The following XKR9 variants were observed in gnomAD, a reference collection of about 807,000 sequenced individuals.
XKR9 encodes the protein XK-related protein 9.
XKR9 carries 32 observed loss-of-function variants against 32.0 expected under a neutral mutation model. That is an observed-to-expected ratio of 1.00 (90% CI 0.76 to 1.34). The LOEUF (loss-of-function observed/expected upper bound fraction) is 1.34. Ranked by LOEUF, XKR9 falls within the 40% of genes most tolerant of loss-of-function variation. The probability of loss-of-function intolerance (pLI) is 0.00; values close to 1 mark genes in which losing one functional copy is unlikely to be tolerated. For synonymous variants in XKR9, 168 were observed against 143.4 expected, an observed-to-expected ratio of 1.17 and a Z score of -1.22; for missense variants, 546 against 429.7, an observed-to-expected ratio of 1.27 and a Z score of -2.39.
At chr8:70,761,688 CT>C (rs1455054003) in intron 2 of XKR9, among the ~76,000 whole-genome samples, 29 of 151,786 alleles carry the variant, frequency 1.9e-4, no homozygotes, top group Admixed American at 2.6e-4. Context: ...TGCAGAAGCT[CT>C]TTAGTTTAAT....
At chr8:70,713,292 A>G (rs1159001083) in intron 4 of XKR9, among the ~76,000 whole-genome samples, 1 of 152,098 alleles carries the variant, frequency 6.6e-6, no homozygotes, top group Non-Finnish European at 1.5e-5. Flanking sequence ...GACATGAGAG[A>G]TAGGGTGAGA....
At chr8:70,867,991 CAAATCTT>C in the XKR9 span, among the ~76,000 whole-genome samples, 3 of 152,204 alleles carry the variant, frequency 2.0e-5, no homozygotes, top group African/African-American at 7.2e-5. Flanking sequence ...GCAGGGCAGT[CAAATCTT>C]AAAGCTCCAA....
intron 4 of XKR9, among the ~76,000 whole-genome samples, chr8:70,718,232 T>C (rs139844223): frequency 4.4e-4 from 67 of 152,262 alleles, no homozygotes; most frequent in African/African-American, 1.5e-3. Flanking sequence ...TGTTACCCAG[T>C]TCCAAAGTCA....
the XKR9 span, among the ~76,000 whole-genome samples, chr8:70,864,113 C>T: frequency 1.3e-5 from 2 of 152,148 alleles, no homozygotes; most frequent in Admixed American, 6.5e-5. Context: ...TGAGCACTGG[C>T]TATGTGCCAG....
the XKR9 span, among the ~76,000 whole-genome samples, chr8:70,991,082 GT>G: frequency 2.2e-4 from 33 of 152,074 alleles, no homozygotes; most frequent in African/African-American, 7.7e-4. Flanking sequence ...TGTTTTTGTT[GT>G]TTTTTTCTTT....
the XKR9 span, among the ~76,000 whole-genome samples, chr8:70,881,048 T>C: frequency 6.6e-6 from 1 of 152,280 alleles, no homozygotes; most frequent in Non-Finnish European, 1.5e-5. Context: ...TAAATGGTGC[T>C]GGGAAAACTG....
the XKR9 span, among the ~76,000 whole-genome samples, chr8:70,980,510 T>C: frequency 6.6e-6 from 1 of 152,236 alleles, no homozygotes; most frequent in Non-Finnish European, 1.5e-5. Flanking sequence ...TTTGAGTTTA[T>C]GTGAGTCCTT....
the XKR9 span, among the ~76,000 whole-genome samples, chr8:71,028,776 A>C: frequency 6.6e-6 from 1 of 152,214 alleles, no homozygotes; most frequent in Non-Finnish European, 1.5e-5. Context: ...TAAAAAATAA[A>C]GGCAAGACAT....
Position 70,734,616 on chromosome 8 carries a change from C to T in XKR9, c.*192C>T, listed in dbSNP as rs1806805402. ...CATTTGGTTTTGAAGATCTTGAGTACTCAGATATCTTTCTACTGCCTGGTA... is the reference window on the plus strand; with the variant it reads ...CATTTGGTTTTGAAGATCTTGAGTATTCAGATATCTTTCTACTGCCTGGTA... On this transcript the variant is annotated 3_prime_UTR_variant, in exon 5 of 5. Coordinates refer to ENST00000408926, the MANE Select transcript of XKR9 (RefSeq NM_001011720.2). 29 of 651,356 alleles carry T rather than the reference C, an allele frequency of 4.5e-5. No individual in the cohort carries two copies. The South Asian group carries it at 1.1e-3, about 25-fold the overall frequency. 40.3% of individuals were successfully genotyped at this position (651,356 alleles called of 1,614,324 possible). A position where few individuals can be genotyped will look rare whatever the true frequency, so the allele number is the denominator to read the frequency against.
At chr8:70,776,945 C>CTATATATA (rs1393735829) in intron 2 of XKR9, among the ~76,000 whole-genome samples, 3 of 62,520 alleles carry the variant, frequency 4.8e-5, no homozygotes, top group East Asian at 7.9e-4. Context: ...CTCTCTCTCT[C>CTATATATA]TCTATATATA....
chr8:70,918,775 T>TTTA, the XKR9 span, among the ~76,000 whole-genome samples: 3 of 107,990 alleles, frequency 2.8e-5, no homozygotes, highest in Non-Finnish European at 6.1e-5. Context: ...ATCCTTTTTT[T>TTTA]TTTTTTTTTT....
At chr8:70,705,882 G>A (rs1031484383) in intron 3 of XKR9, among the ~76,000 whole-genome samples, 13 of 152,136 alleles carry the variant, frequency 8.5e-5, no homozygotes, top group African/African-American at 3.1e-4. Flanking sequence ...GCTTAAACAA[G>A]GGTGGTAGTA....
chr8:70,794,911 TTGATTCTCTTC>T (rs1807809639), downstream of XKR9, among the ~76,000 whole-genome samples: 2 of 151,814 alleles, frequency 1.3e-5, no homozygotes, highest in African/African-American at 4.8e-5. Flanking sequence ...CTAGAAAGTT[TTGATTCTCTTC>T]TGTTTTCTGG....
intron 4 of XKR9, among the ~76,000 whole-genome samples, chr8:70,731,344 C>G (rs1487874937): frequency 6.6e-6 from 1 of 151,060 alleles, no homozygotes; most frequent in African/African-American, 2.4e-5. Flanking sequence ...TGCTGGCATA[C>G]CAGGTTTCCA....
At chr8:70,996,724 A>T in the XKR9 span, among the ~76,000 whole-genome samples, 1 of 152,184 alleles carries the variant, frequency 6.6e-6, no homozygotes, top group Non-Finnish European at 1.5e-5. Context: ...AACAGTAAAC[A>T]GTAGACAAAA....
At chr8:70,779,291 G>A (rs376143789) in intron 2 of XKR9, among the ~76,000 whole-genome samples, 2 of 152,164 alleles carry the variant, frequency 1.3e-5, no homozygotes, top group African/African-American at 4.8e-5. Context: ...TTGCATATCA[G>A]GGATGAAGCC....
chr8:70,730,935 A>G (rs992524740), intron 4 of XKR9, among the ~76,000 whole-genome samples: 3 of 152,212 alleles, frequency 2.0e-5, no homozygotes, highest in African/African-American at 7.2e-5. Flanking sequence ...GGCAGAAACC[A>G]AGGGAAAGTA....
the XKR9 span, among the ~76,000 whole-genome samples, chr8:71,000,042 T>A: frequency 6.6e-6 from 1 of 152,254 alleles, no homozygotes; most frequent in African/African-American, 2.4e-5. Context: ...TTATTTTTAG[T>A]GTTCATTTAA....
At chr8:70,818,908 A>G in the XKR9 span, among the ~76,000 whole-genome samples, 621 of 152,308 alleles carry the variant, frequency 4.1e-3, 7 homozygotes, top group Non-Finnish European at 6.4e-3. Context: ...GTGAGACAAA[A>G]GCACTCCTGT....
Sources: allele counts gnomAD v4.1 joint callset (sites outside exome capture counted in the v4.1 genomes callset), GRCh38; gene constraint gnomAD v4.1.1; transcripts MANE v1.5; gene names NCBI Gene and HGNC (gene_info 2026-07-23, HGNC 2026-07-21).